MMEL1: variants seen among roughly 807,000 people sequenced by gnomAD.
MMEL1 encodes the protein membrane metallo-endopeptidase-like 1.
MMEL1 carries 98 observed loss-of-function variants against 117.1 expected under a neutral mutation model. That is an observed-to-expected ratio of 0.84 (90% confidence interval 0.71 to 0.99). MMEL1 has a LOEUF of 0.99. MMEL1 is among the 50% of genes least tolerant of loss of function. MMEL1 has a pLI of 0.00. For synonymous variants in MMEL1, 390 were observed against 415.1 expected (o/e 0.94, Z 0.74); for missense variants, 1,014 against 1,049.1 (o/e 0.97, Z 0.46).
rs766269962 is a variant in MMEL1, at chr1:2,596,540, C to T, written c.1401+21G>A. The T allele has an allele frequency of 2.1e-5, 34 of 1,604,854 alleles. No homozygotes were observed. The South Asian group carries it at 3.6e-4, about 17-fold the overall frequency. On this transcript the variant is annotated intron_variant, in intron 14 of 23. Coordinates refer to ENST00000378412, the MANE Select transcript of MMEL1 (RefSeq NM_033467.4). Reference sequence around the variant, plus strand: ...CTGTGGAAGGCTGGCCCCGCGTGGGCCATGGATGAGGGGCGCCCACCATGC... The same window carrying T: ...CTGTGGAAGGCTGGCCCCGCGTGGGTCATGGATGAGGGGCGCCCACCATGC...
chr1:2,601,460 C>A (rs6424092), intron 11 of MMEL1, among the ~76,000 whole-genome samples: 89,338 of 152,000 alleles, frequency 0.59, 27,211 homozygotes, highest in Non-Finnish European at 0.68. Flanking sequence ...AATCAACTCA[C>A]AGTAGATTGT....
chr1:2,609,034 TACAC>T (rs70956312), intron 6 of MMEL1, among the ~76,000 whole-genome samples: 26,937 of 144,322 alleles, frequency 0.19, 2,633 homozygotes, highest in East Asian at 0.24. Context: ...ATCCATATAA[TACAC>T]ACACACACAC....
rs1644827714 is a variant in MMEL1 at position 2,595,828 on chromosome 1, G to C, written c.1500+181C>G. Among the ~76,000 whole-genome samples, 1 of 148,284 alleles carries C rather than the reference G, an allele frequency of 6.7e-6. No homozygotes were observed. Among genetic ancestry groups the C allele is most frequent in the Admixed American group, 6.7e-5 (1 of 14,948 alleles). On this transcript the variant is annotated intron_variant, in intron 15 of 23. Coordinates refer to ENST00000378412, the MANE Select transcript of MMEL1 (RefSeq NM_033467.4). This position sits in a 1 kb window ranked among gnomAD's most constrained non-coding sequence, Gnocchi z 4.8. ...AGTGGTCCTGTCTGCGCCTCCCGGG[G>C]CTGCCTTCTCCCCGTGGGGTCCTGT...
chr1:2,604,393 TC>T, intron 9 of MMEL1, 112 bp from the exon 10 acceptor site: 1 of 1,424,242 alleles, frequency 7.0e-7, no homozygotes, highest in Non-Finnish European at 9.6e-7. Context: ...CTAATGCGTG[TC>T]CACCCACCTT....
intron 11 of MMEL1, among the ~76,000 whole-genome samples, chr1:2,603,297 G>C (rs867570200): frequency 6.6e-6 from 1 of 152,208 alleles, no homozygotes; most frequent in East Asian, 1.9e-4. Flanking sequence ...TGCGCCTCCT[G>C]GGGGAGGAGG....
In MMEL1 at chr1:2,606,104, C is replaced by T. The variant is rs4074788; in HGVS notation, c.750+144G>A. The stretch of plus-strand genomic sequence containing the variant: ...CAGCAGCAGCTCGTTCCCGGGCCCA[C>T]GGACGTGGACAGGAGCCAGGAGCCC... On this transcript the variant is annotated intron_variant, in intron 8 of 23. Coordinates refer to ENST00000378412, the MANE Select transcript of MMEL1 (RefSeq NM_033467.4). 3.2e-4 allele frequency: 214 copies of T among 665,280 alleles called. No individual in the cohort carries two copies. In the African/African-American group the frequency reaches 3.4e-3, roughly 11 times the overall value. The allele number at this position is 665,280 out of a possible 1,614,324, so 41.2% of individuals were successfully genotyped here.
intron 22 of MMEL1, 57 bp from the exon 23 acceptor site, chr1:2,591,690 T>TGGGGGGGGGCCAAGGGGGGGG: frequency 2.7e-6 from 1 of 376,512 alleles, no homozygotes; most frequent in Admixed American, 3.3e-5. Context: ...CCAGGAGGGG[T>TGGGGGGGGGCCAAGGGGGGGG]GGGGGAGGGT....
At chr1:2,591,227 A>G (rs1230089898) in intron 23 of MMEL1, 138 bp from the exon 24 acceptor site, 5 of 628,700 alleles carry the variant, frequency 8.0e-6, no homozygotes, top group Non-Finnish European at 1.4e-5. Flanking sequence ...CATTTCAACC[A>G]TGAGATAAAC....
Position 2,605,406 on chromosome 1 carries a change from C to T in MMEL1, c.816+152G>A, listed in dbSNP as rs113840619. ...GGTGGCAAGCAATAGGTCACGTCTG[C>T]ACCCGCCACCCTCAGTGCCGGGCTC... On this transcript the variant is annotated intron_variant, in intron 9 of 23. Transcript: ENST00000378412. 3,032 of 707,122 alleles carry T rather than the reference C, an allele frequency of 4.3e-3. 72 individuals are homozygous for T. In the African/African-American group the frequency reaches 0.047, roughly 11 times the overall value. The allele number at this position is 707,122 out of a possible 1,614,324, so 43.8% of individuals were successfully genotyped here.
In MMEL1 at chr1:2,612,340, C is replaced by T. The variant is rs1645144196; in HGVS notation, c.155-136G>A. ...CCCTACCCCTGTAGTGAGGGCTGGT[C>T]CCCAGGGCAGCGAGACAGGAGATCC... On this transcript the variant is annotated intron_variant, in intron 2 of 23. Coordinates refer to ENST00000378412, the MANE Select transcript of MMEL1 (RefSeq NM_033467.4). The surrounding 1 kb of genome is among the most constrained non-coding windows in gnomAD (Gnocchi z 5.4). 1 of 676,612 alleles carries T rather than the reference C, an allele frequency of 1.5e-6. No homozygotes were observed. 41.9% of individuals were successfully genotyped at this position (676,612 alleles called of 1,614,324 possible).
rs377704463 is a variant in MMEL1 at position 2,611,357 on chromosome 1, G to A, written c.233-17C>T. 1.1e-4 allele frequency: 170 copies of A among 1,506,698 alleles called. No individual in the cohort carries two copies. Among genetic ancestry groups the A allele is most frequent in the Non-Finnish European group, 1.4e-4 (159 of 1,127,400 alleles). 93.3% of individuals were successfully genotyped at this position (1,506,698 alleles called of 1,614,324 possible). A position where few individuals can be genotyped will look rare whatever the true frequency, so the allele number is the denominator to read the frequency against. On this transcript the variant is annotated splice_polypyrimidine_tract_variant and intron_variant, in intron 3 of 23. Coordinates refer to ENST00000378412, the MANE Select transcript of MMEL1 (RefSeq NM_033467.4). ...CTGGGATCCCTGCGGGCAAGGAGCA[G>A]CCTGAGCACCGGGAGCCACGGAGAG...
At chr1:2,620,402 A>C (rs778485265) in intron 2 of MMEL1, among the ~76,000 whole-genome samples, 14 of 152,358 alleles carry the variant, frequency 9.2e-5, no homozygotes, top group Non-Finnish European at 1.0e-4. Context: ...TAATGCTGAT[A>C]GATTATTTTC....
At chr1:2,606,446 C>G in intron 7 of MMEL1, 80 bp from the exon 8 acceptor site, 1 of 1,083,776 alleles carries the variant, frequency 9.2e-7, no homozygotes, top group South Asian at 1.3e-5. Context: ...ATCTGGCCTC[C>G]GGAGCCAGGA....
At position 2,606,281 on chromosome 1, in the gene MMEL1, G is replaced by T. The variant is rs748111460; in HGVS notation, c.717C>A (p.Asn239Lys). The change falls in exon 8 of 24, where the codon AAC becomes AAA. Residue 239 changes from asparagine to lysine, a missense_variant. By Grantham distance (94) the Asn-to-Lys change is moderately conservative. Coordinates refer to ENST00000378412, the MANE Select transcript of MMEL1 (RefSeq NM_033467.4). ...RRVLIDLFIWNDDQNSSRHII... is the reference protein window; with the variant it reads ...RRVLIDLFIWKDDQNSSRHII... ...TGTGCCGGCTGGAGTTCTGGTCGTC[G>T]TTCCAGATGAAGAGGTCGATGAGGA... 1 of 1,613,234 alleles carries T rather than the reference G, an allele frequency of 6.2e-7. No individual in the cohort carries two copies. The highest frequency in any genetic ancestry group is 8.5e-7 in the Non-Finnish European group (1 of 1,179,922).
chr1:2,591,175 C>CTTTG (rs1644690602), intron 23 of MMEL1, 86 bp from the exon 24 acceptor site: 1 of 909,980 alleles, frequency 1.1e-6, no homozygotes, highest in Non-Finnish European at 1.6e-6. Flanking sequence ...AAAAACCAGC[C>CTTTG]CAAAACATCA....
At chr1:2,628,309 A>G (rs2100968342) in intron 2 of MMEL1, among the ~76,000 whole-genome samples, 1 of 152,324 alleles carries the variant, frequency 6.6e-6, no homozygotes, top group South Asian at 2.1e-4. Context: ...CGCCCTGCAC[A>G]TCCACAGGCA....
chr1:2,598,442 C>A lies in MMEL1; in HGVS notation c.1179-142G>T, dbSNP rs182774087. 6.9e-6 allele frequency: 8 copies of A among 1,165,376 alleles called. No individual in the cohort carries two copies. The East Asian group carries it at 1.5e-4, about 22-fold the overall frequency. 72.2% of individuals were successfully genotyped at this position (1,165,376 alleles called of 1,614,324 possible). A position where few individuals can be genotyped will look rare whatever the true frequency, so the allele number is the denominator to read the frequency against. ...AGAAAACCTCCAGGACAACCACCTC[C>A]AAGATCCAGCCCATCTGCCCCGGGT... is the stretch of plus-strand genomic sequence containing the variant. On this transcript the variant is annotated intron_variant, in intron 12 of 23. Coordinates refer to ENST00000378412, the MANE Select transcript of MMEL1 (RefSeq NM_033467.4).
Position 2,612,193 on chromosome 1 carries a change from G to T in MMEL1, c.166C>A (p.Pro56Thr), listed in dbSNP as rs1290376092. The T allele has an allele frequency of 3.2e-6, 5 of 1,571,952 alleles. No individual in the cohort carries two copies. The highest frequency in any genetic ancestry group is 3.5e-6 in the Non-Finnish European group (4 of 1,157,468). The change falls in exon 3 of 24, where the codon CCA becomes ACA. Residue 56 changes from proline to threonine, a missense_variant. Physicochemically the swap from Pro to Thr is conservative, Grantham distance 38 (BLOSUM62 -1). Transcript: ENST00000378412. The surrounding 1 kb of genome is among the most constrained non-coding windows in gnomAD (Gnocchi z 5.4). ...AAGCACAGCCGGCTAGCAAGGCGTG[G>T]CAGCTGCTTCCCTGGGGAGAAACAC... ...LYADRRGKQL[P>T]RLASRLCFLQ... is the part of the protein sequence containing the mutation.
intron 8 of MMEL1, 133 bp from the exon 9 acceptor site, chr1:2,605,756 G>A (rs757935378): frequency 7.7e-6 from 5 of 650,194 alleles, no homozygotes; most frequent in Non-Finnish European, 1.3e-5. Context: ...TGGTGGTGGA[G>A]CTTGTGCCGG....
Sources: gnomAD v4.1 joint callset for allele counts (sites outside exome capture counted in the v4.1 genomes callset) on GRCh38, gnomAD v4.1.1 for gene constraint, Gnocchi (gnomAD v3.1) non-coding constraint, MANE v1.5 for transcripts, NCBI Gene and HGNC (gene_info 2026-07-23, HGNC 2026-07-21) for gene names.